Variants in RALGPS1 observed in about 807,000 individuals in gnomAD.
RALGPS1 encodes Ral GEF with PH domain and SH3 binding motif 1, also known as ras-specific guanine nucleotide-releasing factor RalGPS1.
Under a neutral mutation model 78.8 loss-of-function variants are expected in RALGPS1, and 19 were observed. That is an observed-to-expected ratio of 0.24 (90% CI 0.17 to 0.35). The LOEUF (loss-of-function observed/expected upper bound fraction) is 0.35, where lower values mean the gene tolerates loss of function less well. RALGPS1 is among the 10% of genes least tolerant of loss of function. RALGPS1 has a pLI of 1.00. For missense variants in RALGPS1, 454 were observed against 688.3 expected (o/e 0.66, Z 3.81); for synonymous variants, 228 against 256.3 (o/e 0.89, Z 1.06).
At chr9:127,148,448 G>A (rs1271114018) in intron 8 of RALGPS1, among the ~76,000 whole-genome samples, 1 of 152,286 alleles carries the variant, frequency 6.6e-6, no homozygotes, top group Non-Finnish European at 1.5e-5. Context: ...GAGCTTAGCT[G>A]AGAAAGTGCT....
chr9:127,174,313 G>GA (rs768239500), intron 10 of RALGPS1, among the ~76,000 whole-genome samples: 26 of 136,004 alleles, frequency 1.9e-4, no homozygotes, highest in African/African-American at 6.5e-4. Context: ...AAGAAAGAAA[G>GA]AAAAAAAAAG....
chr9:126,950,435 C>T (rs897347969), intron 1 of RALGPS1, among the ~76,000 whole-genome samples: 2 of 152,112 alleles, frequency 1.3e-5, no homozygotes, highest in African/African-American at 2.4e-5. Flanking sequence ...ATTGATTCTT[C>T]CTACCCATGA....
intron 1 of RALGPS1, among the ~76,000 whole-genome samples, chr9:126,942,972 G>C (rs1044047924): frequency 3.3e-5 from 5 of 151,852 alleles, no homozygotes; most frequent in African/African-American, 1.2e-4. Context: ...ACGCTTTCTA[G>C]CTGGCTATTG....
intron 8 of RALGPS1, among the ~76,000 whole-genome samples, chr9:127,085,968 T>C (rs1227994328): frequency 6.6e-6 from 1 of 152,204 alleles, no homozygotes; most frequent in Non-Finnish European, 1.5e-5. Flanking sequence ...AATTGATGCC[T>C]GACACCCAGC....
intron 3 of RALGPS1, among the ~76,000 whole-genome samples, chr9:126,968,866 T>A (rs1349670563): frequency 6.6e-6 from 1 of 152,176 alleles, no homozygotes; most frequent in Non-Finnish European, 1.5e-5. Context: ...TTGATCGACA[T>A]AGAGAAACCA....
intron 8 of RALGPS1, among the ~76,000 whole-genome samples, chr9:127,101,584 A>C (rs1396296503): frequency 6.6e-6 from 1 of 152,170 alleles, no homozygotes; most frequent in Non-Finnish European, 1.5e-5. Context: ...AGAACCAATA[A>C]TAATAAATCC....
intron 8 of RALGPS1, among the ~76,000 whole-genome samples, chr9:127,107,584 C>A (rs2054341056): frequency 6.6e-6 from 1 of 152,250 alleles, no homozygotes; most frequent in South Asian, 2.1e-4. Context: ...GAGACATTCT[C>A]TTCTATCTGC....
At chr9:126,956,892 C>T (rs566247819) in intron 1 of RALGPS1, among the ~76,000 whole-genome samples, 19 of 152,322 alleles carry the variant, frequency 1.2e-4, no homozygotes, top group South Asian at 1.0e-3. Context: ...ATTTTAAACA[C>T]GTTTCCTCAT....
chr9:126,978,937 A>T (rs1263203670), intron 4 of RALGPS1, among the ~76,000 whole-genome samples: 1 of 152,208 alleles, frequency 6.6e-6, no homozygotes, highest in Non-Finnish European at 1.5e-5. Context: ...CAACATGGGC[A>T]AACACTGAGG....
chr9:127,003,431 T>C (rs369579542), intron 4 of RALGPS1, among the ~76,000 whole-genome samples: 2,362 of 148,976 alleles, frequency 0.016, 22 homozygotes, highest in Middle Eastern at 0.035. Flanking sequence ...GACATTTATG[T>C]AGCCAAAAAA....
intron 4 of RALGPS1, among the ~76,000 whole-genome samples, chr9:127,017,996 C>A (rs1425210859): frequency 6.6e-6 from 1 of 152,106 alleles, no homozygotes; most frequent in Non-Finnish European, 1.5e-5. Context: ...GCAGGTGGAT[C>A]ACCTGAGGTC....
At chr9:126,976,116 G>T (rs1021396706) in intron 3 of RALGPS1, among the ~76,000 whole-genome samples, 2 of 152,108 alleles carry the variant, frequency 1.3e-5, no homozygotes, top group Non-Finnish European at 2.9e-5. Context: ...TAATACAAGG[G>T]TTTTTACTGG....
At chr9:127,053,646 G>A (rs534592067) in intron 7 of RALGPS1, among the ~76,000 whole-genome samples, 39 of 152,218 alleles carry the variant, frequency 2.6e-4, no homozygotes, top group African/African-American at 7.2e-4. Context: ...TATATCCCAC[G>A]GAACTGACAA....
At chr9:127,129,528 T>C (rs2056865415) in intron 8 of RALGPS1, among the ~76,000 whole-genome samples, 1 of 152,182 alleles carries the variant, frequency 6.6e-6, no homozygotes, top group African/African-American at 2.4e-5. Context: ...CTTGTTTATC[T>C]TTCCTGGGAC....
At chr9:127,113,525 A>G (rs76291797) in intron 8 of RALGPS1, among the ~76,000 whole-genome samples, 2,001 of 96,344 alleles carry the variant, frequency 0.021, 59 homozygotes, top group African/African-American at 0.077. Context: ...CCGGCATTCC[A>G]GCCATCTTAG....
At chr9:126,941,331 A>G (rs978436618) in intron 1 of RALGPS1, among the ~76,000 whole-genome samples, 1 of 152,220 alleles carries the variant, frequency 6.6e-6, no homozygotes, top group Non-Finnish European at 1.5e-5. Context: ...TGTTTGTAAC[A>G]CAAAGGATAA....
At chr9:127,050,936 C>T (rs572351338) in intron 6 of RALGPS1, among the ~76,000 whole-genome samples, 1 of 152,298 alleles carries the variant, frequency 6.6e-6, no homozygotes, top group East Asian at 1.9e-4. Flanking sequence ...CTGACCTCAT[C>T]ATATTCAGTG....
chr9:127,068,992 C>T (rs954324921), intron 7 of RALGPS1, among the ~76,000 whole-genome samples: 1 of 152,152 alleles, frequency 6.6e-6, no homozygotes, highest in African/African-American at 2.4e-5. Context: ...GCTTCTGCCT[C>T]GTCCCTGTTT....
rs868741511 is a variant in RALGPS1 at position 126,998,934 on chromosome 9, C to T, written c.216+21189C>T. On this transcript the variant is annotated intron_variant, in intron 4 of 18. Coordinates refer to ENST00000259351, the MANE Select transcript of RALGPS1 (RefSeq NM_014636.3). ...ATCGCAAGGACAAAAAACCAAACAC[C>T]GCATGTTCTCACTTACAGGTGGGAA... is the stretch of plus-strand genomic sequence containing the variant. 3.4e-4 allele frequency among the ~76,000 whole-genome samples: 50 copies of T among 145,702 alleles called. 1 individual carries two copies. The highest frequency in any genetic ancestry group is 7.0e-3 in the Middle Eastern group (2 of 284).
Sources: allele counts gnomAD v4.1 joint callset (sites outside exome capture counted in the v4.1 genomes callset), GRCh38; gene constraint gnomAD v4.1.1; transcripts MANE v1.5; gene names NCBI Gene and HGNC (gene_info 2026-07-23, HGNC 2026-07-21).